ADAMTSL1: variants seen among roughly 807,000 people sequenced by gnomAD.
ADAMTSL1 encodes ADAMTS like 1.
In ADAMTSL1, 126 loss-of-function variants were observed where a neutral mutation model predicts 201.8. The ratio of observed to expected loss-of-function variants is 0.62; its 90% CI spans 0.54 to 0.72. The LOEUF (loss-of-function observed/expected upper bound fraction) is 0.72, where lower values mean the gene tolerates loss of function less well. Among genes scored for constraint, ADAMTSL1 ranks in the 30% least tolerant of loss-of-function variants. The probability of loss-of-function intolerance (pLI) is 0.00; values close to 1 mark genes in which losing one functional copy is unlikely to be tolerated. For missense variants in ADAMTSL1, 2,679 were observed against 2,277.8 expected, an observed-to-expected ratio of 1.18 and a Z score of -3.59; for synonymous variants, 1,121 against 903.4, an observed-to-expected ratio of 1.24 and a Z score of -4.32.
chr9:18,540,584 T>C (rs1820070716), intron 3 of ADAMTSL1, among the ~76,000 whole-genome samples: 1 of 152,192 alleles, frequency 6.6e-6, no homozygotes, highest in African/African-American at 2.4e-5. Context: ...GGGATATTTA[T>C]CTATGCTGAA....
intron 4 of ADAMTSL1, among the ~76,000 whole-genome samples, chr9:18,582,513 C>T (rs925150243): frequency 3.3e-5 from 5 of 152,104 alleles, no homozygotes; most frequent in South Asian, 2.1e-4. Flanking sequence ...GGTCTCTTCT[C>T]ATGATAGTGA....
rs1208578964 is a variant in ADAMTSL1 at position 18,053,992 on chromosome 9, CT to C, written c.88-109860del. On this transcript the variant is annotated intron_variant, in intron 1 of 29. Transcript: ENST00000680146. ...TACAGAGTGATGACGTACTGCTTCT[CT>C]TTTTTTTTTCAGAATATTTCAGTAG... Among the ~76,000 whole-genome samples the C allele has an allele frequency of 7.4e-5, 11 of 148,144 alleles. No homozygotes were observed. The East Asian group carries it at 1.2e-3, about 16-fold the overall frequency.
intron 9 of ADAMTSL1, among the ~76,000 whole-genome samples, chr9:18,669,987 A>T (rs1178302769): frequency 6.6e-6 from 1 of 152,120 alleles, no homozygotes; most frequent in South Asian, 2.1e-4. Flanking sequence ...CTACTCACGA[A>T]ATAGCAAAGT....
At chr9:18,576,240 G>C (rs534711115) in intron 4 of ADAMTSL1, among the ~76,000 whole-genome samples, 29 of 152,104 alleles carry the variant, frequency 1.9e-4, no homozygotes, top group Non-Finnish European at 4.3e-4. Context: ...CAATCATGTA[G>C]TAAAGGCGAT....
intron 2 of ADAMTSL1, among the ~76,000 whole-genome samples, chr9:18,385,004 A>G (rs531030389): frequency 6.6e-6 from 1 of 152,268 alleles, no homozygotes; most frequent in East Asian, 1.9e-4. Flanking sequence ...AGTAATACAC[A>G]TTCACTGAAC....
chr9:18,811,327 G>T (rs1223283437), intron 20 of ADAMTSL1, among the ~76,000 whole-genome samples: 1 of 152,218 alleles, frequency 6.6e-6, no homozygotes, highest in Non-Finnish European at 1.5e-5. Context: ...GGAGCCTGGA[G>T]TTCCACCTTC....
At chr9:18,846,321 A>G (rs1392840426) in intron 23 of ADAMTSL1, among the ~76,000 whole-genome samples, 5 of 152,224 alleles carry the variant, frequency 3.3e-5, no homozygotes, top group Admixed American at 2.0e-4. Flanking sequence ...AGCTTGGCCA[A>G]GATTGCTTTG....
At chr9:18,644,121 T>A (rs541508642) in intron 7 of ADAMTSL1, among the ~76,000 whole-genome samples, 11 of 151,944 alleles carry the variant, frequency 7.2e-5, no homozygotes, top group African/African-American at 2.7e-4. Context: ...ATATTGGGGG[T>A]TTTTGGTAGG....
At chr9:18,340,801 G>C (rs140693976) in intron 2 of ADAMTSL1, among the ~76,000 whole-genome samples, 157 of 152,242 alleles carry the variant, frequency 1.0e-3, no homozygotes, top group Non-Finnish European at 1.9e-3. Context: ...CCATGATTGT[G>C]AGTCCTCCCC....
At chr9:18,798,647 G>A (rs1588129212) in intron 20 of ADAMTSL1, among the ~76,000 whole-genome samples, 1 of 152,246 alleles carries the variant, frequency 6.6e-6, no homozygotes, top group South Asian at 2.1e-4. Flanking sequence ...GAAAGTACTT[G>A]GGGTGCCTGG....
At chr9:18,877,657 G>A (rs1828252033) in intron 23 of ADAMTSL1, among the ~76,000 whole-genome samples, 1 of 152,182 alleles carries the variant, frequency 6.6e-6, no homozygotes, top group African/African-American at 2.4e-5. Flanking sequence ...TGGACTCTGT[G>A]AGGGTCCTTG....
intron 2 of ADAMTSL1, among the ~76,000 whole-genome samples, chr9:18,291,418 C>A (rs991954289): frequency 6.6e-6 from 1 of 152,110 alleles, no homozygotes; most frequent in Non-Finnish European, 1.5e-5. Context: ...AATCCTAGCA[C>A]CTCTGGTATG....
rs150298163 is a variant in ADAMTSL1, at chr9:18,144,191, TTTTCTTTCTTTC to T, written c.88-19651_88-19640del. ...GCATGTCCTAATAGTATATACATCT[TTTTCTTTCTTTC>T]TTTCTTTCTTTCTTTCTTTTTTTGA... is the stretch of plus-strand genomic sequence containing the variant. On this transcript the variant is annotated intron_variant, in intron 1 of 29. Transcript: ENST00000680146. 5.7e-3 allele frequency among the ~76,000 whole-genome samples: 858 copies of T among 149,396 alleles called. 7 individuals carry two copies. The highest frequency in any genetic ancestry group is 0.018 in the African/African-American group (736 of 40,518).
At chr9:18,769,733 C>T (rs549459027) in intron 16 of ADAMTSL1, among the ~76,000 whole-genome samples, 40 of 152,298 alleles carry the variant, frequency 2.6e-4, no homozygotes, top group Admixed American at 1.8e-3. Flanking sequence ...ACAACCCTTC[C>T]GTTTATATCC....
At chr9:18,713,172 T>C (rs1832715834) in intron 14 of ADAMTSL1, among the ~76,000 whole-genome samples, 1 of 146,878 alleles carries the variant, frequency 6.8e-6, no homozygotes, top group South Asian at 2.2e-4. Context: ...CCATCGAGAC[T>C]GGGAAGAAAC....
At chr9:18,111,892 G>A (rs546085337) in intron 1 of ADAMTSL1, among the ~76,000 whole-genome samples, 7 of 152,170 alleles carry the variant, frequency 4.6e-5, no homozygotes, top group African/African-American at 1.7e-4. Flanking sequence ...CTCTTCAAAT[G>A]GGATTAATAG....
At chr9:18,643,032 A>G (rs1186009461) in intron 7 of ADAMTSL1, among the ~76,000 whole-genome samples, 1 of 152,010 alleles carries the variant, frequency 6.6e-6, no homozygotes, top group Non-Finnish European at 1.5e-5. Flanking sequence ...GGCTGAATCA[A>G]TTTACATTCC....
intron 4 of ADAMTSL1, among the ~76,000 whole-genome samples, chr9:18,588,984 A>C (rs1823735192): frequency 6.9e-6 from 1 of 145,870 alleles, no homozygotes; most frequent in Non-Finnish European, 1.5e-5. Flanking sequence ...ATCTTGGATC[A>C]CTGCAACCTC....
intron 26 of ADAMTSL1, chr9:18,905,429 G>A (rs765679873): frequency 4.4e-6 from 1 of 228,170 alleles, no homozygotes; most frequent in East Asian, 1.1e-4. Context: ...CGAAGGGGTG[G>A]AGCTATTTAA....
Sources: gnomAD v4.1 joint callset for allele counts (sites outside exome capture counted in the v4.1 genomes callset) on GRCh38, gnomAD v4.1.1 for gene constraint, MANE v1.5 for transcripts, NCBI Gene and HGNC (gene_info 2026-07-23, HGNC 2026-07-21) for gene names.